PCDHA4: variants seen among roughly 807,000 people sequenced by gnomAD.
PCDHA4 encodes the protein protocadherin alpha 4, also known as protocadherin alpha-4.
PCDHA4 carries 49 observed loss-of-function variants against 61.4 expected under a neutral mutation model. That is an observed-to-expected ratio of 0.80 (90% confidence interval 0.63 to 1.01). PCDHA4 has a LOEUF of 1.01. Ranked by LOEUF, PCDHA4 falls within the 50% of genes least tolerant of loss-of-function variation. The pLI, the probability that PCDHA4 is intolerant of heterozygous loss-of-function variation, is 0.00. For missense variants in PCDHA4, 1,254 were observed against 1,235.8 expected (o/e 1.01, Z -0.22); for synonymous variants, 590 against 550.3 (o/e 1.07, Z -1.01).
intron 1 of PCDHA4, among the ~76,000 whole-genome samples, chr5:140,838,712 G>A (rs2150291764): frequency 1.3e-5 from 2 of 152,012 alleles, no homozygotes; most frequent in Non-Finnish European, 2.9e-5. Flanking sequence ...GAGGCAGGAG[G>A]ATTGCTTCAG....
intron 1 of PCDHA4, among the ~76,000 whole-genome samples, chr5:140,976,450 C>T (rs2096717096): frequency 6.6e-6 from 1 of 152,040 alleles, no homozygotes; most frequent in South Asian, 2.1e-4. Flanking sequence ...ACTAGGGAGG[C>T]TGGGGAAGAA....
intron 1 of PCDHA4, chr5:140,810,927 C>T (rs1764757757): frequency 6.6e-6 from 1 of 152,084 alleles, no homozygotes; most frequent in Non-Finnish European, 1.5e-5. Context: ...TCATTGTTTA[C>T]ATTACATCTA....
chr5:140,843,136 G>C, intron 1 of PCDHA4: 1 of 1,596,026 alleles, frequency 6.3e-7, no homozygotes, highest in South Asian at 1.1e-5. Context: ...GCTACAACGC[G>C]TGGCTTTCGT....
intron 1 of PCDHA4, among the ~76,000 whole-genome samples, chr5:140,855,588 A>G (rs924591016): frequency 6.7e-6 from 1 of 149,870 alleles, no homozygotes; most frequent in Non-Finnish European, 1.5e-5. Flanking sequence ...AAATATTAGT[A>G]TACTCAGTAG....
intron 1 of PCDHA4, among the ~76,000 whole-genome samples, chr5:140,922,677 G>C (rs545719033): frequency 6.6e-6 from 1 of 152,306 alleles, no homozygotes; most frequent in Admixed American, 6.5e-5. Flanking sequence ...CAGTAAAAAA[G>C]TGAACAGGCT....
chr5:140,844,335 A>G lies in PCDHA4; in HGVS notation c.2385+34763A>G, dbSNP rs1192632609. On this transcript the variant is annotated intron_variant, in intron 1 of 3. Transcript: ENST00000530339. The stretch of plus-strand genomic sequence containing the variant: ...TTCCTAATTTTATTATAAACTAGTT[A>G]AAAAGTAAAATCAAGAGGGAAGAGA... Among the ~76,000 whole-genome samples, 3 of 149,508 alleles carry G rather than the reference A, an allele frequency of 2.0e-5. No individual in the cohort carries two copies. In the South Asian group the frequency reaches 6.4e-4, roughly 32 times the overall value.
At chr5:140,855,757 G>C (rs1242521250) in intron 1 of PCDHA4, 2 of 357,032 alleles carry the variant, frequency 5.6e-6, no homozygotes, top group African/African-American at 2.1e-5. Flanking sequence ...GGCTTTGAAA[G>C]TCCATAGACA....
chr5:140,865,215 T>C (rs2048774441), intron 1 of PCDHA4: 1 of 152,214 alleles, frequency 6.6e-6, no homozygotes, highest in Admixed American at 6.5e-5. Flanking sequence ...TTGCTTTCTT[T>C]AAAGGGATCC....
chr5:140,870,485 T>C lies in PCDHA4; in HGVS notation c.2385+60913T>C, dbSNP rs1388283363. 1 of 1,614,118 alleles carries C rather than the reference T, an allele frequency of 6.2e-7. No homozygotes were observed. Among genetic ancestry groups the C allele is most frequent in the South Asian group, 1.1e-5 (1 of 91,094 alleles). On this transcript the variant is annotated intron_variant, in intron 1 of 3. Coordinates refer to ENST00000530339, the MANE Select transcript of PCDHA4 (RefSeq NM_018907.4). The stretch of plus-strand genomic sequence containing the variant: ...GCGTTCGCACAGCCCGAGTACACCG[T>C]GTTCGTGAAGGAGAACAACCCACCA...
chr5:140,942,660 A>G (rs145204660), intron 1 of PCDHA4, among the ~76,000 whole-genome samples: 2 of 152,306 alleles, frequency 1.3e-5, no homozygotes, highest in East Asian at 1.9e-4. Context: ...CAGAAAAGCA[A>G]TAAGCACAAA....
At chr5:140,925,052 A>G (rs1221049582) in intron 1 of PCDHA4, among the ~76,000 whole-genome samples, 1 of 151,720 alleles carries the variant, frequency 6.6e-6, no homozygotes, top group African/African-American at 2.4e-5. Context: ...TTGAGACCAG[A>G]CTGGGCAACA....
intron 1 of PCDHA4, chr5:140,929,152 T>TA (rs1322546333): frequency 2.5e-6 from 4 of 1,614,072 alleles, no homozygotes; most frequent in Non-Finnish European, 3.4e-6. Flanking sequence ...TTCTCAGACT[T>TA]ATCTCTATCG....
chr5:140,990,280 G>C (rs1224210562), intron 3 of PCDHA4, among the ~76,000 whole-genome samples: 1 of 152,264 alleles, frequency 6.6e-6, no homozygotes, highest in African/African-American at 2.4e-5. Context: ...CCCGGGTCTT[G>C]AGATTATCGA....
intron 1 of PCDHA4, chr5:140,829,748 G>T (rs1179697520): frequency 1.9e-6 from 3 of 1,613,604 alleles, no homozygotes; most frequent in South Asian, 2.2e-5. Context: ...GACGCTGCAG[G>T]TGTTCGTGCT....
At position 140,876,037 on chromosome 5, in the gene PCDHA4, A is replaced by G. The variant is rs1554168212; in HGVS notation, c.2385+66465A>G. On this transcript the variant is annotated intron_variant, in intron 1 of 3. Transcript: ENST00000530339. ...TAAAATAAAAACAAAAAAAGATAAA[A>G]GTATATTGCCTGAATTAGTTCTTCG... is the stretch of plus-strand genomic sequence containing the variant. 1.9e-6 allele frequency: 3 copies of G among 1,613,766 alleles called. No homozygotes were observed. Among genetic ancestry groups the G allele is most frequent in the South Asian group, 2.2e-5 (2 of 91,050 alleles).
At chr5:140,972,624 G>A (rs2096543924) in intron 1 of PCDHA4, among the ~76,000 whole-genome samples, 1 of 150,616 alleles carries the variant, frequency 6.6e-6, no homozygotes, top group Non-Finnish European at 1.5e-5. Flanking sequence ...GAATGTTGTT[G>A]GCACTCCCTT....
chr5:140,900,653 T>C (rs1163740859), intron 1 of PCDHA4, among the ~76,000 whole-genome samples: 1 of 152,220 alleles, frequency 6.6e-6, no homozygotes, highest in Non-Finnish European at 1.5e-5. Flanking sequence ...ACTGCTGCAA[T>C]GAACAATGGG....
rs139887265 is a variant in PCDHA4, at chr5:140,849,821, T to C, written c.2385+40249T>C. The C allele has an allele frequency of 1.1e-5, 18 of 1,598,172 alleles. 3 individuals carry two copies. Among genetic ancestry groups the C allele is most frequent in the African/African-American group, 4.0e-5 (3 of 74,350 alleles). ...CACTGTGGGCCACGGCCAGGGTGTCTGTGGAGGTGGCCGACGTGAACGACA... is the reference window on the plus strand; with the variant it reads ...CACTGTGGGCCACGGCCAGGGTGTCCGTGGAGGTGGCCGACGTGAACGACA... On this transcript the variant is annotated intron_variant, in intron 1 of 3. Transcript: ENST00000530339.
chr5:140,843,464 C>T lies in PCDHA4; in HGVS notation c.2385+33892C>T. On this transcript the variant is annotated intron_variant, in intron 1 of 3. Transcript: ENST00000530339. ...GGTATCCAGCCTGCTGGTGCTCACG[C>T]TGCTGCTGTACACTGCGCTGCGGTG... 3.1e-6 allele frequency: 5 copies of T among 1,596,058 alleles called. 1 individual carries two copies. The highest frequency in any genetic ancestry group is 4.3e-6 in the Non-Finnish European group (5 of 1,165,644).
Sources: allele counts gnomAD v4.1 joint callset (sites outside exome capture counted in the v4.1 genomes callset), GRCh38; gene constraint gnomAD v4.1.1; transcripts MANE v1.5; gene names NCBI Gene and HGNC (gene_info 2026-07-23, HGNC 2026-07-21).